The following B3GALT1 variants were observed in gnomAD, a reference collection of about 807,000 sequenced individuals.
The protein encoded by B3GALT1 is beta-1,3-galactosyltransferase 1.
Under a neutral mutation model 23.2 loss-of-function variants are expected in B3GALT1, and 10 were observed. That is an observed-to-expected ratio of 0.43 (90% CI 0.27 to 0.73). The LOEUF (loss-of-function observed/expected upper bound fraction) is 0.73. B3GALT1 is among the 30% of genes least tolerant of loss of function. The pLI, the probability that B3GALT1 is intolerant of heterozygous loss-of-function variation, is 0.21. For missense variants in B3GALT1, 299 were observed against 405.4 expected (o/e 0.74, Z 2.25); for synonymous variants, 156 against 141.5 (o/e 1.10, Z -0.73).
intron 2 of B3GALT1, among the ~76,000 whole-genome samples, chr2:167,596,453 G>T (rs1684776125): frequency 6.6e-6 from 1 of 152,116 alleles, no homozygotes; most frequent in Non-Finnish European, 1.5e-5. Context: ...CTTAGAACAG[G>T]TACCTACATT....
At chr2:167,693,554 AAG>A (rs1686747265) in intron 3 of B3GALT1, among the ~76,000 whole-genome samples, 1 of 152,114 alleles carries the variant, frequency 6.6e-6, no homozygotes, top group South Asian at 2.1e-4. Context: ...ATTTGGGGGA[AAG>A]AAATTCTCAG....
At chr2:167,483,551 CAT>C (rs970179673) in intron 1 of B3GALT1, among the ~76,000 whole-genome samples, 2 of 152,086 alleles carry the variant, frequency 1.3e-5, no homozygotes, top group African/African-American at 4.8e-5. Context: ...AATTAATACA[CAT>C]ATATGGTTGA....
chr2:167,859,989 G>A (rs1422957494), intron 4 of B3GALT1, among the ~76,000 whole-genome samples: 1 of 152,080 alleles, frequency 6.6e-6, no homozygotes, highest in Non-Finnish European at 1.5e-5. Flanking sequence ...CTTCCTTCAA[G>A]GACCATTATC....
intron 3 of B3GALT1, among the ~76,000 whole-genome samples, chr2:167,770,911 G>A (rs1379361797): frequency 6.6e-6 from 1 of 152,136 alleles, no homozygotes; most frequent in Admixed American, 6.5e-5. Flanking sequence ...ATATCGCTGT[G>A]CCTTGCCCTA....
intron 4 of B3GALT1, among the ~76,000 whole-genome samples, chr2:167,831,345 G>C (rs1235617807): frequency 6.6e-6 from 1 of 152,200 alleles, no homozygotes; most frequent in Non-Finnish European, 1.5e-5. Context: ...CCATGGAGAG[G>C]ATTCAGTGTT....
intron 4 of B3GALT1, among the ~76,000 whole-genome samples, chr2:167,836,677 C>T (rs1236428834): frequency 1.8e-4 from 28 of 152,082 alleles, no homozygotes; most frequent in African/African-American, 6.5e-4. Flanking sequence ...ATACAGAGAA[C>T]ACCACAAAGA....
intron 3 of B3GALT1, among the ~76,000 whole-genome samples, chr2:167,762,777 A>G (rs1687916792): frequency 6.6e-6 from 1 of 152,134 alleles, no homozygotes; most frequent in South Asian, 2.1e-4. Context: ...TGAATTGAAC[A>G]TTTTGTATGA....
intron 1 of B3GALT1, among the ~76,000 whole-genome samples, chr2:167,456,503 A>G (rs1239036860): frequency 2.6e-5 from 4 of 152,200 alleles, no homozygotes; most frequent in Non-Finnish European, 4.4e-5. Flanking sequence ...TCTGTATATC[A>G]TATGTAAAAC....
At chr2:167,337,549 T>G (rs191390994) in intron 1 of B3GALT1, among the ~76,000 whole-genome samples, 1 of 152,270 alleles carries the variant, frequency 6.6e-6, no homozygotes, top group Admixed American at 6.5e-5. Flanking sequence ...TGAAATAGAT[T>G]TGTGTATTCA....
At position 167,868,233 on chromosome 2, in the gene B3GALT1, G is replaced by T. The variant is rs140712789; in HGVS notation, c.-229-578G>T. Among the ~76,000 whole-genome samples, 254 of 152,318 alleles carry T rather than the reference G, an allele frequency of 1.7e-3. 1 individual carries two copies. Among genetic ancestry groups the T allele is most frequent in the African/African-American group, 6.0e-3 (248 of 41,582 alleles). On this transcript the variant is annotated intron_variant, in intron 4 of 4. Coordinates refer to ENST00000392690, the MANE Select transcript of B3GALT1 (RefSeq NM_020981.4). Reference sequence around the variant, plus strand: ...TAAGAGTTGTGGAAGCCAAAGTAAGGAGAAAAGGAGGAACAGTTGGGAATT... The same window carrying T: ...TAAGAGTTGTGGAAGCCAAAGTAAGTAGAAAAGGAGGAACAGTTGGGAATT...
rs572707358 is a variant in B3GALT1 at position 167,327,632 on chromosome 2, T to G, written c.-511+34298T>G. Among the ~76,000 whole-genome samples, 40 of 150,938 alleles carry G rather than the reference T, an allele frequency of 2.7e-4. No individual in the cohort carries two copies. In the South Asian group the frequency reaches 4.6e-3, roughly 17 times the overall value. On this transcript the variant is annotated intron_variant, in intron 1 of 4. Coordinates refer to ENST00000392690, the MANE Select transcript of B3GALT1 (RefSeq NM_020981.4). ...TCTTAGAGATTTTTAGTGGAGTCTT[T>G]GTTTTTTTAAAATATAAGATCATGT...
intron 1 of B3GALT1, among the ~76,000 whole-genome samples, chr2:167,315,904 ATT>A (rs1197104545): frequency 1.3e-5 from 2 of 152,218 alleles, no homozygotes; most frequent in African/African-American, 4.8e-5. Flanking sequence ...TTCAAAGTAT[ATT>A]TTGTATATTT....
intron 2 of B3GALT1, among the ~76,000 whole-genome samples, chr2:167,510,911 A>C (rs1351005711): frequency 6.6e-6 from 1 of 152,234 alleles, no homozygotes; most frequent in African/African-American, 2.4e-5. Flanking sequence ...ATTTAAAGCT[A>C]TGAGATGGGA....
chr2:167,562,940 A>G (rs1197003518), intron 2 of B3GALT1, among the ~76,000 whole-genome samples: 3 of 152,086 alleles, frequency 2.0e-5, no homozygotes, highest in East Asian at 3.9e-4. Flanking sequence ...GACACAGCAC[A>G]TGTTTCAGAG....
intron 2 of B3GALT1, among the ~76,000 whole-genome samples, chr2:167,586,338 C>T (rs939734534): frequency 2.6e-5 from 4 of 152,116 alleles, no homozygotes; most frequent in Admixed American, 1.3e-4. Flanking sequence ...CTTGCTCAGT[C>T]GCCCAGGCTG....
chr2:167,858,422 T>C (rs1318219627), intron 4 of B3GALT1, among the ~76,000 whole-genome samples: 1 of 152,138 alleles, frequency 6.6e-6, no homozygotes, highest in Non-Finnish European at 1.5e-5. Context: ...TGAAACATCT[T>C]ATAGGCAATC....
intron 2 of B3GALT1, among the ~76,000 whole-genome samples, chr2:167,630,386 T>C (rs1467161139): frequency 6.6e-6 from 1 of 151,760 alleles, no homozygotes; most frequent in Non-Finnish European, 1.5e-5. Context: ...ACATCCAGAT[T>C]CAAGATGTCA....
chr2:167,537,088 G>A (rs1451326144), intron 2 of B3GALT1, among the ~76,000 whole-genome samples: 4 of 152,134 alleles, frequency 2.6e-5, no homozygotes, highest in Non-Finnish European at 5.9e-5. Flanking sequence ...AAGGAAAGAG[G>A]TTTAATTGAC....
intron 2 of B3GALT1, among the ~76,000 whole-genome samples, chr2:167,539,130 G>A (rs1316350534): frequency 6.6e-6 from 1 of 152,066 alleles, no homozygotes; most frequent in Non-Finnish European, 1.5e-5. Flanking sequence ...TCCAATAAGA[G>A]TAACAAATAG....
Sources: gnomAD v4.1 joint callset for allele counts (sites outside exome capture counted in the v4.1 genomes callset) on GRCh38, gnomAD v4.1.1 for gene constraint, MANE v1.5 for transcripts, NCBI Gene and HGNC (gene_info 2026-07-23, HGNC 2026-07-21) for gene names.